NECTIN1: variants seen among roughly 807,000 people sequenced by gnomAD.
NECTIN1 encodes nectin cell adhesion molecule 1, also known as nectin-1.
A neutral mutation model predicts 48.0 loss-of-function variants in NECTIN1; 23 were observed. The ratio of observed to expected loss-of-function variants is 0.48; its 90% CI spans 0.34 to 0.68. The LOEUF is 0.68. Ranked by LOEUF, NECTIN1 falls within the 30% of genes least tolerant of loss-of-function variation. The pLI, the probability that NECTIN1 is intolerant of heterozygous loss-of-function variation, is 0.01. For synonymous variants in NECTIN1, 270 were observed against 288.9 expected, an observed-to-expected ratio of 0.93 and a Z score of 0.66; for missense variants, 591 against 709.9, an observed-to-expected ratio of 0.83 and a Z score of 1.90.
intron 1 of NECTIN1, among the ~76,000 whole-genome samples, chr11:119,717,985 C>T (rs1865773125): frequency 2.6e-5 from 4 of 152,252 alleles, no homozygotes; most frequent in South Asian, 2.1e-4. Flanking sequence ...TTCAAGCTAA[C>T]GGAGCATGGA....
At chr11:119,724,875 G>A (rs1014267696) in intron 1 of NECTIN1, among the ~76,000 whole-genome samples, 8 of 152,162 alleles carry the variant, frequency 5.3e-5, no homozygotes, top group Non-Finnish European at 1.0e-4. Context: ...TCCACAGCTG[G>A]CTCATGACCA....
chr11:119,656,898 C>A (rs1864583360), downstream of NECTIN1, among the ~76,000 whole-genome samples: 1 of 152,210 alleles, frequency 6.6e-6, no homozygotes. Flanking sequence ...TCAGAGAGGG[C>A]TATGGGACCT....
At chr11:119,657,939 A>AAG (rs1555076178), downstream of NECTIN1, among the ~76,000 whole-genome samples, 4 of 145,464 alleles carry the variant, frequency 2.7e-5, 1 homozygote, top group Non-Finnish European at 6.0e-5. Context: ...AAAAAAAAAA[A>AAG]AAGTCTGTCT....
Position 119,663,503 on chromosome 11 carries a change from G to T in NECTIN1, c.*1244C>A. 2.0e-6 allele frequency: 2 copies of T among 985,552 alleles called. No homozygotes were observed. Among genetic ancestry groups the T allele is most frequent in the Non-Finnish European group, 2.4e-6 (2 of 830,014 alleles). The allele number at this position is 985,552 out of a possible 1,614,324, so 61.1% of individuals were successfully genotyped here. A position where few individuals can be genotyped will look rare whatever the true frequency, so the allele number is the denominator to read the frequency against. On this transcript the variant is annotated 3_prime_UTR_variant, in exon 6 of 6. Transcript: ENST00000264025. ...AGCGGCCCCACCCCCCTCACTTTCT[G>T]CCAGGCCCGAGGCTTTGACAATGGC...
chr11:119,667,217 GC>G (rs1400461235), intron 5 of NECTIN1, among the ~76,000 whole-genome samples: 1 of 152,188 alleles, frequency 6.6e-6, no homozygotes. Context: ...GATGGGAGCA[GC>G]CTCCACCAGG....
In NECTIN1 at chr11:119,711,103, AGGC is replaced by A. The variant is rs1565400997; in HGVS notation, c.79+17369_79+17371del. 3.8e-4 allele frequency among the ~76,000 whole-genome samples: 57 copies of A among 150,546 alleles called. 1 individual carries two copies. Among genetic ancestry groups the A allele is most frequent in the African/African-American group, 1.3e-3 (55 of 40,964 alleles). On this transcript the variant is annotated intron_variant, in intron 1 of 5. Coordinates refer to ENST00000264025, the MANE Select transcript of NECTIN1 (RefSeq NM_002855.5). ...AAAAACAGAAAGAAAGGGGCACGGG[AGGC>A]TGGCTGGGCACGGTGGCTCATGCCT...
Position 119,678,545 on chromosome 11 carries a change from CA to C in NECTIN1, c.299del (p.Leu100ArgfsTer43). 2.5e-6 allele frequency: 4 copies of C among 1,614,210 alleles called. No homozygotes were observed. The highest frequency in any genetic ancestry group is 3.4e-6 in the Non-Finnish European group (4 of 1,180,054). On this transcript the variant is annotated frameshift_variant, in exon 2 of 6. Transcript: ENST00000264025. LOFTEE classifies it high-confidence loss of function. This position sits in a 1 kb window ranked among gnomAD's most constrained non-coding sequence, Gnocchi z 4.4. Reference protein sequence around the residue: ...LAPYRERVEFLRPSFTDGTIR... With the variant: ...LAPYRERVEFXRPSFTDGTIR... ...TAGTGCCATCGGTGAAGGAGGGCCG[CA>C]GGAATTCCACACGCTCGCGGTAGGG...
Position 119,683,604 on chromosome 11 carries a change from G to GTT in NECTIN1, c.80-4840_80-4839insAA, listed in dbSNP as rs1168343507. 2.6e-5 allele frequency among the ~76,000 whole-genome samples: 4 copies of GTT among 151,814 alleles called. No homozygotes were observed. Among genetic ancestry groups the GTT allele is most frequent in the Non-Finnish European group, 5.9e-5 (4 of 67,964 alleles). ...TGTGTGTGTGTGTGTGTGTGTGTGTGTGTGTGGGCACTTGCAGGAGGCTGC... is the reference window on the plus strand; with the variant it reads ...TGTGTGTGTGTGTGTGTGTGTGTGTGTTTGTGTGGGCACTTGCAGGAGGCTGC... On this transcript the variant is annotated intron_variant, in intron 1 of 5. Coordinates refer to ENST00000264025, the MANE Select transcript of NECTIN1 (RefSeq NM_002855.5). The surrounding 1 kb of genome is among the most constrained non-coding windows in gnomAD (Gnocchi z 4.0).
In NECTIN1 at chr11:119,678,514, G is replaced by A; in HGVS notation, c.331C>T (p.Leu111Phe). 1.9e-6 allele frequency: 3 copies of A among 1,614,252 alleles called. No individual in the cohort carries two copies. Among genetic ancestry groups the A allele is most frequent in the Non-Finnish European group, 2.5e-6 (3 of 1,180,050 alleles). Residue 111 changes from leucine (L) to phenylalanine (F), a missense_variant, in exon 2 of 6, where the codon CTC becomes TTC. By Grantham distance (22) the Leu-to-Phe change is conservative. Transcript: ENST00000264025. The surrounding 1 kb of genome is among the most constrained non-coding windows in gnomAD (Gnocchi z 4.4). ...RPSFTDGTIRLSRLELEDEGV... is the reference protein window; with the variant it reads ...RPSFTDGTIRFSRLELEDEGV... Reference sequence around the variant, plus strand: ...TCATCCTCCAGCTCCAGGCGGGAGAGGCGGATAGTGCCATCGGTGAAGGAG... The same window carrying A: ...TCATCCTCCAGCTCCAGGCGGGAGAAGCGGATAGTGCCATCGGTGAAGGAG...
In NECTIN1 at chr11:119,672,334, C is replaced by T. The variant is rs1029941866; in HGVS notation, c.1003+2825G>A. On this transcript the variant is annotated intron_variant, in intron 5 of 5. Coordinates refer to ENST00000264025, the MANE Select transcript of NECTIN1 (RefSeq NM_002855.5). The surrounding 1 kb of genome is among the most constrained non-coding windows in gnomAD (Gnocchi z 4.3). Reference sequence around the variant, plus strand: ...TTTTTTTTCAGTCTGGTGGAGGCTGCACCCTGGGCCTCTCCCCACCTTGTC... The same window carrying T: ...TTTTTTTTCAGTCTGGTGGAGGCTGTACCCTGGGCCTCTCCCCACCTTGTC... Among the ~76,000 whole-genome samples the T allele has an allele frequency of 1.3e-5, 2 of 152,160 alleles. No individual in the cohort carries two copies. Among genetic ancestry groups the T allele is most frequent in the African/African-American group, 2.4e-5 (1 of 41,432 alleles).
rs1216208557 is a variant in NECTIN1, at chr11:119,664,910, G to A, written c.1391C>T (p.Ala464Val). ...ATCCACGGTGAAGTAGGGCCGCTTG[G>A]CGTCCTCGTCATATTTGGGGTGGGG... ...GGPHPKYDED[A>V]KRPYFTVDEA... The change falls in exon 6 of 6, where the codon GCC becomes GTC. Residue 464 changes from alanine to valine, a missense_variant. By Grantham distance (64) the Ala-to-Val change is moderately conservative. Coordinates refer to ENST00000264025, the MANE Select transcript of NECTIN1 (RefSeq NM_002855.5). 8 of 1,613,916 alleles carry A rather than the reference G, an allele frequency of 5.0e-6. No homozygotes were observed. Among genetic ancestry groups the A allele is most frequent in the Middle Eastern group, 1.7e-4 (1 of 6,060 alleles).
At chr11:119,686,023 C>T (rs1865149149) in intron 1 of NECTIN1, among the ~76,000 whole-genome samples, 1 of 152,174 alleles carries the variant, frequency 6.6e-6, no homozygotes, top group Admixed American at 6.5e-5. Context: ...TCTCTCTACA[C>T]TGCCCAGCTC....
chr11:119,720,488 C>G (rs971034309), intron 1 of NECTIN1, among the ~76,000 whole-genome samples: 1 of 152,262 alleles, frequency 6.6e-6, no homozygotes, highest in Non-Finnish European at 1.5e-5. Context: ...CAGGCACCTG[C>G]GAAAGCGTGG....
intron 1 of NECTIN1, among the ~76,000 whole-genome samples, chr11:119,711,250 C>T (rs1039878374): frequency 2.6e-5 from 4 of 151,966 alleles, no homozygotes; most frequent in East Asian, 3.9e-4. Context: ...ATTAGCCAGG[C>T]GTGGTGGTGG....
chr11:119,666,478 TG>T (rs1864773108), intron 5 of NECTIN1, among the ~76,000 whole-genome samples: 1 of 152,186 alleles, frequency 6.6e-6, no homozygotes, highest in Middle Eastern at 3.2e-3. Flanking sequence ...TTACAGGGCC[TG>T]GGAAGGTGGC....
chr11:119,703,141 A>T (rs905418865), intron 1 of NECTIN1, among the ~76,000 whole-genome samples: 2 of 152,210 alleles, frequency 1.3e-5, no homozygotes, highest in African/African-American at 4.8e-5. Flanking sequence ...AACAATTAAG[A>T]GGTAACTGAC....
chr11:119,672,210 C>T lies in NECTIN1; in HGVS notation c.1003+2949G>A, dbSNP rs1864870353. ...GGACATCCTACACCCTGGCAGCCTC[C>T]CTGTCCTGCTCTTGGGAGTGGCGAG... On this transcript the variant is annotated intron_variant, in intron 5 of 5. Transcript: ENST00000264025. This position sits in a 1 kb window ranked among gnomAD's most constrained non-coding sequence, Gnocchi z 4.3. Among the ~76,000 whole-genome samples, 1 of 152,210 alleles carries T rather than the reference C, an allele frequency of 6.6e-6. No individual in the cohort carries two copies. Among genetic ancestry groups the T allele is most frequent in the Admixed American group, 6.5e-5 (1 of 15,284 alleles).
intron 4 of NECTIN1, 134 bp downstream of exon 4, chr11:119,676,968 C>A: frequency 4.0e-6 from 3 of 754,826 alleles, no homozygotes; most frequent in Non-Finnish European, 7.1e-6. Flanking sequence ...TCTCTCATGG[C>A]CCCGCTTCTT....
chr11:119,652,196 G>A (rs1441088729), intron 5 of NECTIN1, among the ~76,000 whole-genome samples: 4 of 152,148 alleles, frequency 2.6e-5, no homozygotes, highest in African/African-American at 9.7e-5. Context: ...CGGGTCAATT[G>A]TGGGGACCAG....
Sources: allele counts gnomAD v4.1 joint callset (sites outside exome capture counted in the v4.1 genomes callset), GRCh38; gene constraint gnomAD v4.1.1; non-coding constraint Gnocchi (gnomAD v3.1); transcripts MANE v1.5; gene names NCBI Gene and HGNC (gene_info 2026-07-23, HGNC 2026-07-21).